Variants in MECR observed in about 807,000 individuals in gnomAD.
MECR encodes mitochondrial trans-2-enoyl-CoA reductase.
In MECR, 37 loss-of-function variants were observed where a neutral mutation model predicts 49.1. The ratio of observed to expected loss-of-function variants is 0.75; its 90% CI spans 0.58 to 0.99. The LOEUF (loss-of-function observed/expected upper bound fraction) is 0.99, where lower values mean the gene tolerates loss of function less well. Ranked by LOEUF, MECR falls within the 50% of genes least tolerant of loss-of-function variation. The pLI, the probability that MECR is intolerant of heterozygous loss-of-function variation, is 0.00. For synonymous variants in MECR, 198 were observed against 191.1 expected, an observed-to-expected ratio of 1.04 and a Z score of -0.30; for missense variants, 470 against 479.6, an observed-to-expected ratio of 0.98 and a Z score of 0.19.
chr1:29,181,632 T>G, the MECR span: 1 of 1,575,872 alleles, frequency 6.3e-7, no homozygotes, highest in Admixed American at 1.8e-5. Context: ...CGGACCCTCT[T>G]TCGCCCTCCT....
intron 4 of MECR, among the ~76,000 whole-genome samples, chr1:29,204,239 C>T (rs1470708488): frequency 6.6e-6 from 1 of 151,934 alleles, no homozygotes; most frequent in Admixed American, 6.6e-5. Context: ...AAAGTGCCCC[C>T]GATTAGAGTC....
At chr1:29,191,734 G>A (rs150253894), downstream of MECR, among the ~76,000 whole-genome samples, 1,688 of 152,262 alleles carry the variant, frequency 0.011, 37 homozygotes, top group African/African-American at 0.038. Flanking sequence ...TTTTTCCAGC[G>A]GACATAAAAG....
chr1:29,181,816 G>A, the MECR span: 7 of 1,390,166 alleles, frequency 5.0e-6, no homozygotes, highest in African/African-American at 3.0e-5. Context: ...CGGGCAAAGC[G>A]AGAGCACGGC....
At chr1:29,220,647 T>C (rs551149956) in intron 1 of MECR, 1 of 152,524 alleles carries the variant, frequency 6.6e-6, no homozygotes, top group South Asian at 2.1e-4. Flanking sequence ...TACAGGTAGA[T>C]CTCAGTTCAT....
At chr1:29,181,910 G>A in the MECR span, 4 of 490,886 alleles carry the variant, frequency 8.1e-6, no homozygotes, top group East Asian at 1.2e-4. Context: ...CAGCTCGCGA[G>A]CGCGCGCTTC....
chr1:29,227,215 G>A (rs1682329804), intron 1 of MECR, among the ~76,000 whole-genome samples: 1 of 151,902 alleles, frequency 6.6e-6, no homozygotes, highest in Non-Finnish European at 1.5e-5. Flanking sequence ...CGCCCGCCTC[G>A]GCCTCCCAAA....
At chr1:29,178,905 G>C in the MECR span, among the ~76,000 whole-genome samples, 4 of 152,180 alleles carry the variant, frequency 2.6e-5, no homozygotes, top group Non-Finnish European at 5.9e-5. Flanking sequence ...AATGATGCCA[G>C]GAGGTCATAT....
At position 29,230,901 on chromosome 1, in the gene MECR, C is replaced by T. The variant is rs760609986; in HGVS notation, c.6G>A (p.Trp2Ter). The part of the protein sequence containing the change: M[W>*]VCSTLWRVRT... The stretch of plus-strand genomic sequence containing the variant: ...GCACCCGCCACAGGGTACTGCAGAC[C>T]CACATGCTCGCTCCAACCAACACAG... Residue 2 changes from tryptophan to a stop codon, truncating the protein, a stop_gained, in exon 1 of 10, where the codon TGG becomes TGA. Transcript: ENST00000263702. LOFTEE classifies it high-confidence loss of function. The T allele has an allele frequency of 1.2e-6, 2 of 1,601,636 alleles. No homozygotes were observed. The highest frequency in any genetic ancestry group is 1.7e-6 in the Non-Finnish European group (2 of 1,177,250).
At chr1:29,187,330 A>G in the MECR span, among the ~76,000 whole-genome samples, 1 of 151,814 alleles carries the variant, frequency 6.6e-6, no homozygotes, top group African/African-American at 2.4e-5. Context: ...CTCGTGCCTC[A>G]GCCTCCCGAG....
chr1:29,203,583 C>G (rs887058715), intron 4 of MECR, among the ~76,000 whole-genome samples: 6 of 152,314 alleles, frequency 3.9e-5, no homozygotes, highest in African/African-American at 1.4e-4. Context: ...TGCAATGTTT[C>G]CCTCCTTCTC....
chr1:29,210,112 G>A (rs1677609815), intron 3 of MECR, among the ~76,000 whole-genome samples: 1 of 151,358 alleles, frequency 6.6e-6, no homozygotes, highest in Non-Finnish European at 1.5e-5. Flanking sequence ...CAAGGCTCCC[G>A]CCATTCTCCT....
chr1:29,222,274 T>C (rs1167674595), intron 1 of MECR, among the ~76,000 whole-genome samples: 2 of 152,014 alleles, frequency 1.3e-5, no homozygotes, highest in African/African-American at 4.8e-5. Context: ...TTTTTTTGTA[T>C]TTTTAGTAGA....
At chr1:29,182,434 T>C in the MECR span, among the ~76,000 whole-genome samples, 2 of 152,174 alleles carry the variant, frequency 1.3e-5, no homozygotes, top group African/African-American at 4.8e-5. Flanking sequence ...GAGACCAGTA[T>C]TATTTTTAAG....
Position 29,193,919 on chromosome 1 carries a change from G to A in MECR, c.*103C>T, listed in dbSNP as rs2151838364. On this transcript the variant is annotated 3_prime_UTR_variant, in exon 10 of 10. Coordinates refer to ENST00000263702, the MANE Select transcript of MECR (RefSeq NM_016011.5). ...CCTCCTAATAGGAAGAGGCAGTGAG[G>A]AGAACAGTAGTCTGGGGAAGGTGGG... The A allele has an allele frequency of 7.2e-7, 1 of 1,382,156 alleles. No individual in the cohort carries two copies. The highest frequency in any genetic ancestry group is 1.3e-5 in the South Asian group (1 of 78,248). 85.6% of individuals were successfully genotyped at this position (1,382,156 alleles called of 1,614,324 possible).
intron 3 of MECR, among the ~76,000 whole-genome samples, chr1:29,208,770 T>C (rs1038062416): frequency 6.6e-6 from 1 of 152,130 alleles, no homozygotes; most frequent in Non-Finnish European, 1.5e-5. Flanking sequence ...ACAGACAGTT[T>C]CCTTAGTTTC....
At chr1:29,213,846 G>T (rs1466920370) in intron 3 of MECR, among the ~76,000 whole-genome samples, 1 of 152,148 alleles carries the variant, frequency 6.6e-6, no homozygotes, top group Non-Finnish European at 1.5e-5. Context: ...CATGTTGTGG[G>T]AACAATTGAG....
chr1:29,173,337 G>C, the MECR span: 1 of 151,080 alleles, frequency 6.6e-6, no homozygotes, highest in Non-Finnish European at 1.5e-5. Context: ...GTAGAGATAG[G>C]GTTTCACCAT....
chr1:29,200,164 A>G (rs1181745115), intron 7 of MECR, among the ~76,000 whole-genome samples: 1 of 152,236 alleles, frequency 6.6e-6, no homozygotes, highest in Non-Finnish European at 1.5e-5. Context: ...TCTATTTTAA[A>G]AGCTAATACA....
intron 1 of MECR, chr1:29,221,261 C>T (rs1680702383): frequency 6.6e-6 from 1 of 151,904 alleles, no homozygotes; most frequent in Admixed American, 6.6e-5. Context: ...GGGAACCCAT[C>T]CGTGGAAACA....
Sources: allele counts gnomAD v4.1 joint callset (sites outside exome capture counted in the v4.1 genomes callset), GRCh38; gene constraint gnomAD v4.1.1; transcripts MANE v1.5; gene names NCBI Gene and HGNC (gene_info 2026-07-23, HGNC 2026-07-21).